The following ADARB2 variants were observed in gnomAD, a reference collection of about 807,000 sequenced individuals.
ADARB2 encodes the protein inactive double-stranded RNA-specific editase B2.
ADARB2 carries 25 observed loss-of-function variants against 62.2 expected under a neutral mutation model. That is an observed-to-expected ratio of 0.40 (90% CI 0.29 to 0.56). The LOEUF (loss-of-function observed/expected upper bound fraction) is 0.56. Among genes scored for constraint, ADARB2 ranks in the 20% least tolerant of loss-of-function variants. The pLI is 0.43. For missense variants in ADARB2, 1,071 were observed against 1,077.4 expected (o/e 0.99, Z 0.08); for synonymous variants, 572 against 500.8 (o/e 1.14, Z -1.90).
chr10:1,469,790 A>G (rs1831298340), intron 1 of ADARB2, among the ~76,000 whole-genome samples: 1 of 152,272 alleles, frequency 6.6e-6, no homozygotes, highest in Non-Finnish European at 1.5e-5. Flanking sequence ...CAAAAGGATG[A>G]CAACTGCTAG....
At chr10:1,544,956 T>TACACACACACACACACACACACACAC (rs1554770300) in intron 1 of ADARB2, among the ~76,000 whole-genome samples, 3,413 of 133,850 alleles carry the variant, frequency 0.025, 96 homozygotes, top group Middle Eastern at 0.039. Context: ...TAGCAAAGTA[T>TACACACACACACACACACACACACAC]ACACACACAC....
intron 1 of ADARB2, among the ~76,000 whole-genome samples, chr10:1,409,228 C>T (rs1019650148): frequency 1.6e-4 from 24 of 151,558 alleles, no homozygotes; most frequent in Non-Finnish European, 8.9e-5. Flanking sequence ...TTCGTCGCCC[C>T]GCCCTGCCTG....
At chr10:1,362,630 C>T (rs935806550) in intron 3 of ADARB2, among the ~76,000 whole-genome samples, 1 of 152,136 alleles carries the variant, frequency 6.6e-6, no homozygotes, top group Non-Finnish European at 1.5e-5. Context: ...CTGGCGGCCT[C>T]TCCGGCTGCT....
At chr10:1,569,192 G>C (rs577524387) in intron 1 of ADARB2, among the ~76,000 whole-genome samples, 259 of 152,054 alleles carry the variant, frequency 1.7e-3, no homozygotes, top group African/African-American at 5.9e-3. Flanking sequence ...GAGAGAGAGA[G>C]AGGCAGAGAC....
intron 3 of ADARB2, among the ~76,000 whole-genome samples, chr10:1,276,477 T>C (rs1057215511): frequency 2.0e-5 from 3 of 152,176 alleles, no homozygotes; most frequent in Non-Finnish European, 4.4e-5. Context: ...ACTCTGATGG[T>C]AGTTTCTTTT....
At chr10:1,634,125 G>T (rs1035432223) in intron 1 of ADARB2, among the ~76,000 whole-genome samples, 10 of 152,098 alleles carry the variant, frequency 6.6e-5, no homozygotes, top group African/African-American at 2.4e-4. Flanking sequence ...CCCCACGGGT[G>T]TGTTTCCTCC....
intron 1 of ADARB2, among the ~76,000 whole-genome samples, chr10:1,604,504 C>A (rs571845257): frequency 6.6e-6 from 1 of 152,238 alleles, no homozygotes; most frequent in South Asian, 2.1e-4. Flanking sequence ...GAGAATTACT[C>A]CAGGGAGAGG....
chr10:1,214,060 C>T (rs185511226), intron 7 of ADARB2, among the ~76,000 whole-genome samples: 1 of 150,258 alleles, frequency 6.7e-6, no homozygotes, highest in Admixed American at 6.7e-5. Flanking sequence ...GTACCCGGAC[C>T]TGCCGGTGAC....
rs780040015 is a variant in ADARB2, at chr10:1,737,153, C to A, written c.-3G>T. 1.2e-6 allele frequency: 2 copies of A among 1,606,858 alleles called. No homozygotes were observed. The highest frequency in any genetic ancestry group is 8.5e-7 in the Non-Finnish European group (1 of 1,179,848). ...CCGCTCCCCAGGACCGAGGCCATGG[C>A]CGAGACCCAGGCGCGGAGCCCAGAG... On this transcript the variant is annotated 5_prime_UTR_variant, in exon 1 of 10. Transcript: ENST00000381312.
chr10:1,258,065 C>G (rs1831096386), intron 4 of ADARB2, among the ~76,000 whole-genome samples: 1 of 152,148 alleles, frequency 6.6e-6, no homozygotes, highest in Non-Finnish European at 1.5e-5. Flanking sequence ...AGATAATGCA[C>G]AGTCATTTCC....
At chr10:1,508,165 T>C (rs561797799) in intron 1 of ADARB2, among the ~76,000 whole-genome samples, 5 of 152,132 alleles carry the variant, frequency 3.3e-5, no homozygotes, top group East Asian at 1.9e-4. Context: ...GGTGTTGGCG[T>C]TGGATGAATA....
At chr10:1,602,417 A>G (rs1283090851) in intron 1 of ADARB2, among the ~76,000 whole-genome samples, 1 of 152,174 alleles carries the variant, frequency 6.6e-6, no homozygotes, top group Non-Finnish European at 1.5e-5. Flanking sequence ...GCTCCCGATG[A>G]CAGGCCTCCC....
rs148068854 is a variant in ADARB2 at position 1,255,915 on chromosome 10, G to A, written c.1193-13616C>T. Among the ~76,000 whole-genome samples, 1 of 152,228 alleles carries A rather than the reference G, an allele frequency of 6.6e-6. No individual in the cohort carries two copies. Among genetic ancestry groups the A allele is most frequent in the Admixed American group, 6.5e-5 (1 of 15,290 alleles). ...ATTGACAACCACATGTCAGCCCTGG[G>A]AGCTAACGGTGTTTACATGACAGTG... On this transcript the variant is annotated intron_variant, in intron 4 of 9. Coordinates refer to ENST00000381312, the MANE Select transcript of ADARB2 (RefSeq NM_018702.4). This position sits in a 1 kb window ranked among gnomAD's most constrained non-coding sequence, Gnocchi z 4.7.
intron 1 of ADARB2, among the ~76,000 whole-genome samples, chr10:1,476,900 C>T (rs1172867476): frequency 6.6e-6 from 1 of 152,102 alleles, no homozygotes; most frequent in Non-Finnish European, 1.5e-5. Context: ...AGGGTGGCCG[C>T]ATGATATTCA....
At chr10:1,543,092 G>A (rs543025469) in intron 1 of ADARB2, among the ~76,000 whole-genome samples, 6 of 152,350 alleles carry the variant, frequency 3.9e-5, no homozygotes, top group South Asian at 4.1e-4. Flanking sequence ...TTGTTGGGAC[G>A]GAAGGGATTC....
intron 7 of ADARB2, among the ~76,000 whole-genome samples, chr10:1,210,350 C>G (rs1302708566): frequency 6.6e-6 from 1 of 152,212 alleles, no homozygotes; most frequent in Non-Finnish European, 1.5e-5. Flanking sequence ...TCAAACAGAA[C>G]TGCGTCTATT....
At position 1,359,894 on chromosome 10, in the gene ADARB2, C is replaced by T. The variant is rs569825329; in HGVS notation, c.1077+3134G>A. On this transcript the variant is annotated intron_variant, in intron 3 of 9. Coordinates refer to ENST00000381312, the MANE Select transcript of ADARB2 (RefSeq NM_018702.4). ...TAGGCTCCTCAGCGGTGTCTAAACA[C>T]GCCACTCAGATGATTCTATGCACCA... 3.3e-5 allele frequency among the ~76,000 whole-genome samples: 5 copies of T among 152,384 alleles called. No homozygotes were observed. In the South Asian group the frequency reaches 1.0e-3, roughly 32 times the overall value.
intron 1 of ADARB2, among the ~76,000 whole-genome samples, chr10:1,616,070 T>C (rs1254155582): frequency 6.6e-6 from 1 of 152,206 alleles, no homozygotes; most frequent in Non-Finnish European, 1.5e-5. Context: ...GAGGCTGGAA[T>C]TCTATATTTA....
chr10:1,545,884 CA>C (rs1262122638), intron 1 of ADARB2, among the ~76,000 whole-genome samples: 1 of 152,186 alleles, frequency 6.6e-6, no homozygotes, highest in East Asian at 1.9e-4. Context: ...GCACAGATTT[CA>C]AACTGACCCA....
Sources: allele counts gnomAD v4.1 joint callset (sites outside exome capture counted in the v4.1 genomes callset), GRCh38; gene constraint gnomAD v4.1.1; non-coding constraint Gnocchi (gnomAD v3.1); transcripts MANE v1.5; gene names NCBI Gene and HGNC (gene_info 2026-07-23, HGNC 2026-07-21).